Variants in EIF1AD observed in about 807,000 individuals in gnomAD.
EIF1AD encodes the protein probable RNA-binding protein EIF1AD.
In EIF1AD, 9 loss-of-function variants were observed where a neutral mutation model predicts 21.7. The ratio of observed to expected loss-of-function variants is 0.41; its 90% CI spans 0.25 to 0.72. EIF1AD has a LOEUF of 0.72. EIF1AD is among the 30% of genes least tolerant of loss of function. The probability of loss-of-function intolerance (pLI) is 0.29; values close to 1 mark genes in which losing one functional copy is unlikely to be tolerated. For missense variants in EIF1AD, 164 were observed against 199.7 expected, an observed-to-expected ratio of 0.82 and a Z score of 1.08; for synonymous variants, 78 against 70.9, an observed-to-expected ratio of 1.10 and a Z score of -0.50.
chr11:65,998,765 G>A, intron 5 of EIF1AD, 22 bp from the exon 6 acceptor site: 2 of 1,609,074 alleles, frequency 1.2e-6, no homozygotes, highest in Non-Finnish European at 8.5e-7. Context: ...GAAGAGAGCA[G>A]GGTTAGCCCA....
chr11:66,001,523 A>T (rs546180271), intron 1 of EIF1AD, among the ~76,000 whole-genome samples: 2 of 152,016 alleles, frequency 1.3e-5, no homozygotes, highest in South Asian at 4.2e-4. Context: ...TACTAGTGTA[A>T]TATAAAACTA....
Position 65,997,488 on chromosome 11 carries a change from G to T in EIF1AD, c.*1111C>A, listed in dbSNP as rs1855769757. 6.6e-6 allele frequency: 1 copy of T among 152,212 alleles called. No individual in the cohort carries two copies. Among genetic ancestry groups the T allele is most frequent in the African/African-American group, 2.4e-5 (1 of 41,444 alleles). The allele number at this position is 152,212 out of a possible 1,614,324, so 9.4% of individuals were successfully genotyped here. On this transcript the variant is annotated 3_prime_UTR_variant, in exon 6 of 6. Transcript: ENST00000533544. Reference sequence around the variant, plus strand: ...GCTGTTTCTTAATGAGGCATGTGTTGTGGTAACTACCACAAGGGGGAATTG... The same window carrying T: ...GCTGTTTCTTAATGAGGCATGTGTTTTGGTAACTACCACAAGGGGGAATTG...
At position 65,997,954 on chromosome 11, in the gene EIF1AD, TA is replaced by T. The variant is rs1855790676; in HGVS notation, c.*644del. On this transcript the variant is annotated 3_prime_UTR_variant, in exon 6 of 6. Coordinates refer to ENST00000533544, the MANE Select transcript of EIF1AD (RefSeq NM_001242481.2). ...GGACCATTCAAAACAAAGTTAAGGA[TA>T]GAGAGATTTGCCAGCCACCTTCTGG... 1 of 152,162 alleles carries T rather than the reference TA, an allele frequency of 6.6e-6. No individual in the cohort carries two copies. The highest frequency in any genetic ancestry group is 6.5e-5 in the Admixed American group (1 of 15,274). 9.4% of individuals were successfully genotyped at this position (152,162 alleles called of 1,614,324 possible).
chr11:65,999,321 T>A (rs774962491), intron 5 of EIF1AD, 29 bp downstream of exon 5: 1 of 1,614,064 alleles, frequency 6.2e-7, no homozygotes, highest in Non-Finnish European at 8.5e-7. Context: ...TTATTTTCCA[T>A]GTACCCCACC....
Position 65,998,468 on chromosome 11 carries a change from G to C in EIF1AD, c.*131C>G. ...AGGGGTTTAATTCTCTGAATCAAAA[G>C]ATCAGTTCAGAGAGGAGCCCTGCTT... is the stretch of plus-strand genomic sequence containing the variant. On this transcript the variant is annotated 3_prime_UTR_variant, in exon 6 of 6. Coordinates refer to ENST00000533544, the MANE Select transcript of EIF1AD (RefSeq NM_001242481.2). 3 of 1,144,114 alleles carry C rather than the reference G, an allele frequency of 2.6e-6. No homozygotes were observed. Among genetic ancestry groups the C allele is most frequent in the Non-Finnish European group, 2.4e-6 (2 of 830,766 alleles). 70.9% of individuals were successfully genotyped at this position (1,144,114 alleles called of 1,614,324 possible).
chr11:65,999,792 C>CT (rs150611708), intron 3 of EIF1AD, 117 bp from the exon 4 acceptor site: 65 of 747,866 alleles, frequency 8.7e-5, no homozygotes, highest in Middle Eastern at 3.1e-4. Flanking sequence ...TCTCTTTTTT[C>CT]TTTTTTTTGA....
rs981954919 is a variant in EIF1AD, at chr11:65,998,473, G to T, written c.*126C>A. ...TTTAATTCTCTGAATCAAAAGATCA[G>T]TTCAGAGAGGAGCCCTGCTTTGTCC... On this transcript the variant is annotated 3_prime_UTR_variant, in exon 6 of 6. Transcript: ENST00000533544. The T allele has an allele frequency of 2.7e-5, 34 of 1,261,382 alleles. No individual in the cohort carries two copies. The highest frequency in any genetic ancestry group is 3.3e-5 in the Non-Finnish European group (30 of 913,516). 78.1% of individuals were successfully genotyped at this position (1,261,382 alleles called of 1,614,324 possible). A position where few individuals can be genotyped will look rare whatever the true frequency, so the allele number is the denominator to read the frequency against.
At chr11:66,000,921 G>C (rs1056882047) in intron 1 of EIF1AD, among the ~76,000 whole-genome samples, 57 of 152,210 alleles carry the variant, frequency 3.7e-4, no homozygotes, top group African/African-American at 1.1e-3. Flanking sequence ...TGTTCTGTTA[G>C]CTGATGTATG....
At chr11:65,999,485 T>G in intron 4 of EIF1AD, 82 bp downstream of exon 4, 1 of 1,604,106 alleles carries the variant, frequency 6.2e-7, no homozygotes. Context: ...TGGGATGCCA[T>G]GACCTTCCCT....
Position 66,000,081 on chromosome 11 carries a change from T to C in EIF1AD, c.168A>G (p.Lys56=). The C allele has an allele frequency of 6.2e-7, 1 of 1,613,940 alleles. No homozygotes were observed. The highest frequency in any genetic ancestry group is 8.5e-7 in the Non-Finnish European group (1 of 1,179,822). Residue 56 remains lysine (K), a synonymous_variant, in exon 3 of 6, where the codon AAA becomes AAG. Coordinates refer to ENST00000533544, the MANE Select transcript of EIF1AD (RefSeq NM_001242481.2). ...GQRFLVSMPS[K]YRKNIWIKRG... is the part of the protein sequence containing the mutation. ...TCTTGATCCAGATGTTCTTGCGGTA[T>C]TTGGAGGGCATGCTCACCAGGAAGC...
Position 65,997,415 on chromosome 11 carries a change from A to C in EIF1AD, c.*1184T>G, listed in dbSNP as rs1590657105. ...TGGCTTACGACAGGAAGATATGTGC[A>C]CATCTGCAGAGCTGGTAACAGGGAG... is the stretch of plus-strand genomic sequence containing the variant. On this transcript the variant is annotated 3_prime_UTR_variant, in exon 6 of 6. Transcript: ENST00000533544. 6.6e-6 allele frequency: 1 copy of C among 151,970 alleles called. No homozygotes were observed. The highest frequency in any genetic ancestry group is 1.9e-4 in the East Asian group (1 of 5,184). The allele number at this position is 151,970 out of a possible 1,614,324, so 9.4% of individuals were successfully genotyped here.
rs774566495 is a variant in EIF1AD, at chr11:65,998,756, A to C, written c.354-13T>G. 1.8e-5 allele frequency: 29 copies of C among 1,613,832 alleles called. No homozygotes were observed. Among genetic ancestry groups the C allele is most frequent in the Admixed American group, 3.3e-5 (2 of 59,984 alleles). On this transcript the variant is annotated splice_polypyrimidine_tract_variant and intron_variant, in intron 5 of 5. Transcript: ENST00000533544. Reference sequence around the variant, plus strand: ...TGGTTGAGTTTGTCTGCACGAAGGGAAGAGAGCAGGGTTAGCCCAGCGCCT... The same window carrying C: ...TGGTTGAGTTTGTCTGCACGAAGGGCAGAGAGCAGGGTTAGCCCAGCGCCT...
Position 65,998,328 on chromosome 11 carries a change from A to C in EIF1AD, c.*271T>G. The C allele has an allele frequency of 9.7e-5, 22 of 227,870 alleles. No individual in the cohort carries two copies. The highest frequency in any genetic ancestry group is 2.8e-4 in the East Asian group (3 of 10,530). 14.1% of individuals were successfully genotyped at this position (227,870 alleles called of 1,614,324 possible). ...TCCAGCCATTTCCCATTTCCTCCCCATTCAGCCCACCCACCCACAAGGTCT... is the reference window on the plus strand; with the variant it reads ...TCCAGCCATTTCCCATTTCCTCCCCCTTCAGCCCACCCACCCACAAGGTCT... On this transcript the variant is annotated 3_prime_UTR_variant, in exon 6 of 6. Coordinates refer to ENST00000533544, the MANE Select transcript of EIF1AD (RefSeq NM_001242481.2).
Position 66,000,369 on chromosome 11 carries a change from C to T in EIF1AD, c.21G>A (p.Arg7=). 6.2e-7 allele frequency: 1 copy of T among 1,612,202 alleles called. No homozygotes were observed. Residue 7 remains arginine, a synonymous_variant, in exon 2 of 6, where the codon AGG becomes AGA. Coordinates refer to ENST00000533544, the MANE Select transcript of EIF1AD (RefSeq NM_001242481.2). MSQATK[R]KHVVKEVLGE... ...CTAGCACCTCCTTCACCACATGCTT[C>T]CTCTTGGTGGCCTGAGACATGCTGA...
Position 66,000,399 on chromosome 11 carries a change from G to A in EIF1AD, c.-10C>T, listed in dbSNP as rs777724093. On this transcript the variant is annotated 5_prime_UTR_variant, in exon 2 of 6. The change creates a new upstream start codon in the 5' untranslated region. Transcript: ENST00000533544. ...TGGTGGCCTGAGACATGCTGAAGTC[G>A]TCCCACACTGGTTAGGAACGAAGAG... 3.3e-5 allele frequency: 53 copies of A among 1,599,380 alleles called. No individual in the cohort carries two copies. Among genetic ancestry groups the A allele is most frequent in the South Asian group, 1.5e-4 (13 of 88,792 alleles).
Position 66,000,454 on chromosome 11 carries a change from G to C in EIF1AD, c.-65C>G. 1 of 1,506,962 alleles carries C rather than the reference G, an allele frequency of 6.6e-7. No homozygotes were observed. Among genetic ancestry groups the C allele is most frequent in the Non-Finnish European group, 9.0e-7 (1 of 1,107,918 alleles). 93.3% of individuals were successfully genotyped at this position (1,506,962 alleles called of 1,614,324 possible). ...TCAACTCCTCCTCCTGAGTTCCTTG[G>C]ATGGCAGGCTCAGAACCCAGGACTG... On this transcript the variant is annotated 5_prime_UTR_variant, in exon 2 of 6. In the 5' UTR this introduces an upstream ATG that the reference lacks. Coordinates refer to ENST00000533544, the MANE Select transcript of EIF1AD (RefSeq NM_001242481.2).
At chr11:65,999,483 C>T (rs1565058621) in intron 4 of EIF1AD, 84 bp downstream of exon 4, 8 of 1,605,136 alleles carry the variant, frequency 5.0e-6, no homozygotes, top group Middle Eastern at 1.7e-4. Context: ...CCTGGGATGC[C>T]ATGACCTTCC....
intron 5 of EIF1AD, 49 bp downstream of exon 5, chr11:65,999,301 C>T (rs1305005108): frequency 5.6e-6 from 9 of 1,613,452 alleles, no homozygotes; most frequent in Non-Finnish European, 7.6e-6. Context: ...GGCACCAAAG[C>T]ATGAACCCCT....
In EIF1AD at chr11:65,998,402, G is replaced by C; in HGVS notation, c.*197C>G. The C allele has an allele frequency of 1.4e-5, 6 of 438,404 alleles. No individual in the cohort carries two copies. The highest frequency in any genetic ancestry group is 2.3e-5 in the Non-Finnish European group (6 of 262,834). 27.2% of individuals were successfully genotyped at this position (438,404 alleles called of 1,614,324 possible). On this transcript the variant is annotated 3_prime_UTR_variant, in exon 6 of 6. Coordinates refer to ENST00000533544, the MANE Select transcript of EIF1AD (RefSeq NM_001242481.2). Reference sequence around the variant, plus strand: ...CACTTCATCACAATCTCCCTCCCCCGAGAGAGCCACTCAGACACCAGAACA... The same window carrying C: ...CACTTCATCACAATCTCCCTCCCCCCAGAGAGCCACTCAGACACCAGAACA...
Sources: allele counts gnomAD v4.1 joint callset (sites outside exome capture counted in the v4.1 genomes callset), GRCh38; gene constraint gnomAD v4.1.1; transcripts MANE v1.5; gene names NCBI Gene and HGNC (gene_info 2026-07-23, HGNC 2026-07-21).